Variants in SORCS3 observed in about 807,000 individuals in gnomAD.
SORCS3 encodes the protein VPS10 domain-containing receptor SorCS3.
SORCS3 carries 57 observed loss-of-function variants against 146.3 expected under a neutral mutation model. The ratio of observed to expected loss-of-function variants is 0.39; its 90% CI spans 0.31 to 0.49. The LOEUF (loss-of-function observed/expected upper bound fraction) is 0.49. SORCS3 is among the 20% of genes least tolerant of loss of function. The pLI is 0.92. For synonymous variants in SORCS3, 653 were observed against 618.5 expected (o/e 1.06, Z -0.83); for missense variants, 1,341 against 1,575.5 (o/e 0.85, Z 2.52).
rs116342360 is a variant in SORCS3, at chr10:104,962,876, A to G, written c.796-14459A>G. Among the ~76,000 whole-genome samples, 1,150 of 152,338 alleles carry G rather than the reference A, an allele frequency of 7.5e-3. 18 individuals carry two copies. Among genetic ancestry groups the G allele is most frequent in the African/African-American group, 0.026 (1,087 of 41,584 alleles). On this transcript the variant is annotated intron_variant, in intron 3 of 26. Coordinates refer to ENST00000369701, the MANE Select transcript of SORCS3 (RefSeq NM_014978.3). ...GAATGTTTGTTTCAAGTTATCTACT[A>G]TGGATAAGTACAGACAAGAAATATA...
chr10:104,970,125 G>T (rs2054851735), intron 3 of SORCS3, among the ~76,000 whole-genome samples: 2 of 152,040 alleles, frequency 1.3e-5, no homozygotes, highest in South Asian at 4.2e-4. Flanking sequence ...AGCAAGTGAG[G>T]CTGGTTATGA....
chr10:104,833,866 G>C (rs936470246), intron 1 of SORCS3, among the ~76,000 whole-genome samples: 1 of 152,064 alleles, frequency 6.6e-6, no homozygotes, highest in Admixed American at 6.5e-5. Flanking sequence ...ATGTCTCTTA[G>C]GCATTTCGAA....
At chr10:105,186,548 A>C (rs2056477857) in intron 14 of SORCS3, among the ~76,000 whole-genome samples, 1 of 152,112 alleles carries the variant, frequency 6.6e-6, no homozygotes, top group Non-Finnish European at 1.5e-5. Context: ...ATAAGAAAAC[A>C]CAGTGTCCCT....
chr10:104,676,463 C>T (rs2015914280), intron 1 of SORCS3, among the ~76,000 whole-genome samples: 1 of 152,230 alleles, frequency 6.6e-6, no homozygotes, highest in African/African-American at 2.4e-5. Context: ...ATGATGATAA[C>T]ATGGGTAAGA....
intron 14 of SORCS3, among the ~76,000 whole-genome samples, chr10:105,198,747 A>G (rs1220388155): frequency 6.6e-6 from 1 of 152,182 alleles, no homozygotes; most frequent in Admixed American, 6.5e-5. Context: ...CACAAAACCC[A>G]TGTAGTTTTA....
rs751132225 is a variant in SORCS3 at position 105,158,947 on chromosome 10, G to A, written c.1685G>A (p.Gly562Glu). 4 of 1,613,080 alleles carry A rather than the reference G, an allele frequency of 2.5e-6. No individual in the cohort carries two copies. The highest frequency in any genetic ancestry group is 1.3e-5 in the African/African-American group (1 of 74,888). ...LQLSENPYSS[G>E]RISSKETAPG... ...CTCTCTGAAAATCCATATTCCTCAG[G>A]AAGAATCTCTAGCAAGGAGACAGCC... Residue 562 changes from glycine to glutamate, a missense_variant, in exon 11 of 27, where the codon GGA becomes GAA. Physicochemically the swap from Gly to Glu is moderately conservative, Grantham distance 98. Coordinates refer to ENST00000369701, the MANE Select transcript of SORCS3 (RefSeq NM_014978.3).
chr10:105,150,215 A>T (rs1328725392), intron 9 of SORCS3, among the ~76,000 whole-genome samples: 1 of 152,186 alleles, frequency 6.6e-6, no homozygotes, highest in Admixed American at 6.5e-5. Context: ...ACAAAGGGCA[A>T]GACAAATGGA....
chr10:105,094,527 T>G (rs1485994918), intron 6 of SORCS3, among the ~76,000 whole-genome samples: 1 of 152,210 alleles, frequency 6.6e-6, no homozygotes, highest in African/African-American at 2.4e-5. Flanking sequence ...CTATATATAC[T>G]GTGCACTGAG....
At chr10:104,676,451 T>C (rs2015914219) in intron 1 of SORCS3, among the ~76,000 whole-genome samples, 2 of 152,192 alleles carry the variant, frequency 1.3e-5, no homozygotes, top group African/African-American at 4.8e-5. Context: ...GTAGAAGGAA[T>C]AATGATGATA....
At chr10:104,832,108 A>C (rs997829752) in intron 1 of SORCS3, among the ~76,000 whole-genome samples, 1 of 152,194 alleles carries the variant, frequency 6.6e-6, no homozygotes, top group Non-Finnish European at 1.5e-5. Flanking sequence ...TCATAGTGTG[A>C]TAGAATAATT....
At chr10:104,720,168 T>C (rs2016529633) in intron 1 of SORCS3, among the ~76,000 whole-genome samples, 1 of 150,586 alleles carries the variant, frequency 6.6e-6, no homozygotes, top group Non-Finnish European at 1.5e-5. Flanking sequence ...CATGTTCCCC[T>C]TCCTGTGTCC....
intron 5 of SORCS3, among the ~76,000 whole-genome samples, chr10:105,043,807 AATGAAT>A (rs1287589072): frequency 6.6e-6 from 1 of 152,158 alleles, no homozygotes; most frequent in East Asian, 1.9e-4. Context: ...CTTTTATGGG[AATGAAT>A]ACATGTTTCA....
intron 4 of SORCS3, among the ~76,000 whole-genome samples, chr10:105,024,117 A>G (rs2055213113): frequency 6.6e-6 from 1 of 152,178 alleles, no homozygotes; most frequent in South Asian, 2.1e-4. Context: ...TTGTGCAATA[A>G]TGTTCATGTC....
Position 104,738,645 on chromosome 10 carries a change from C to T in SORCS3, c.627+96691C>T, listed in dbSNP as rs535698469. On this transcript the variant is annotated intron_variant, in intron 1 of 26. Coordinates refer to ENST00000369701, the MANE Select transcript of SORCS3 (RefSeq NM_014978.3). ...ATCTCAAGGCAGAAGAATGGACGCA[C>T]GGGCTTTGAGGCAGACACGTGTGAC... is the stretch of plus-strand genomic sequence containing the variant. 3.3e-5 allele frequency among the ~76,000 whole-genome samples: 5 copies of T among 152,210 alleles called. No homozygotes were observed. In the South Asian group the frequency reaches 8.3e-4, roughly 25 times the overall value.
chr10:105,142,705 T>G (rs1376123327), intron 8 of SORCS3, among the ~76,000 whole-genome samples: 1 of 152,082 alleles, frequency 6.6e-6, no homozygotes, highest in Non-Finnish European at 1.5e-5. Flanking sequence ...TATTTCTAGT[T>G]TTTTTTTACT....
intron 25 of SORCS3, among the ~76,000 whole-genome samples, chr10:105,261,567 A>G (rs1471934523): frequency 1.3e-5 from 2 of 152,168 alleles, no homozygotes; most frequent in East Asian, 1.9e-4. Context: ...AAGGAATGCA[A>G]AGGAGTCTCC....
intron 6 of SORCS3, among the ~76,000 whole-genome samples, chr10:105,103,505 C>T (rs1336242118): frequency 2.0e-5 from 3 of 152,098 alleles, no homozygotes; most frequent in African/African-American, 7.2e-5. Context: ...CACATGGACC[C>T]TAGATGTGAA....
At chr10:104,789,608 G>A (rs570412399) in intron 1 of SORCS3, among the ~76,000 whole-genome samples, 1 of 152,264 alleles carries the variant, frequency 6.6e-6, no homozygotes, top group East Asian at 1.9e-4. Context: ...TCTCTGACAG[G>A]AAATGTAAAA....
intron 1 of SORCS3, among the ~76,000 whole-genome samples, chr10:104,695,064 G>A (rs777544742): frequency 5.3e-5 from 8 of 152,236 alleles, no homozygotes; most frequent in East Asian, 3.9e-4. Context: ...GGAAGCCCTC[G>A]TGTCGATTCA....
Sources: gnomAD v4.1 joint callset for allele counts (sites outside exome capture counted in the v4.1 genomes callset) on GRCh38, gnomAD v4.1.1 for gene constraint, MANE v1.5 for transcripts, NCBI Gene and HGNC (gene_info 2026-07-23, HGNC 2026-07-21) for gene names.